Variants in DLGAP2 observed in about 807,000 individuals in gnomAD.
The protein encoded by DLGAP2 is DLG associated protein 2.
In DLGAP2, 26 loss-of-function variants were observed where a neutral mutation model predicts 100.3. That is an observed-to-expected ratio of 0.26 (90% CI 0.19 to 0.36). The LOEUF (loss-of-function observed/expected upper bound fraction) is 0.36. Among genes scored for constraint, DLGAP2 ranks in the 10% least tolerant of loss-of-function variants. The pLI is 1.00. For missense variants in DLGAP2, 1,858 were observed against 1,453.2 expected (o/e 1.28, Z -4.53); for synonymous variants, 886 against 630.1 (o/e 1.41, Z -6.08).
At chr8:1,172,115 A>G (rs1042052513) in intron 2 of DLGAP2, among the ~76,000 whole-genome samples, 2 of 151,402 alleles carry the variant, frequency 1.3e-5, no homozygotes, top group African/African-American at 4.8e-5. Context: ...CTTGTCTGTA[A>G]AGTATTTTAT....
intron 1 of DLGAP2, among the ~76,000 whole-genome samples, chr8:796,557 G>A (rs2132647782): frequency 6.6e-6 from 1 of 152,300 alleles, no homozygotes; most frequent in South Asian, 2.1e-4. Context: ...TTGCTCAGGT[G>A]CTTACTGGCC....
intron 3 of DLGAP2, among the ~76,000 whole-genome samples, chr8:1,333,953 C>T (rs566220271): frequency 6.6e-6 from 1 of 152,350 alleles, no homozygotes; most frequent in Non-Finnish European, 1.5e-5. Flanking sequence ...TGCGGTGGCA[C>T]AGGGGCCAAC....
At chr8:1,631,007 G>A (rs1158686078) in intron 7 of DLGAP2, among the ~76,000 whole-genome samples, 1 of 150,000 alleles carries the variant, frequency 6.7e-6, no homozygotes, top group South Asian at 2.2e-4. Context: ...GGTCTCGGCG[G>A]GAGGTCCGGG....
chr8:1,494,705 G>A (rs1451980806), intron 3 of DLGAP2, among the ~76,000 whole-genome samples: 1 of 151,984 alleles, frequency 6.6e-6, no homozygotes, highest in African/African-American at 2.4e-5. Flanking sequence ...TCCAGCCTGG[G>A]CAACAGACCC....
At chr8:1,599,127 C>T (rs1187649914) in intron 6 of DLGAP2, among the ~76,000 whole-genome samples, 1 of 152,140 alleles carries the variant, frequency 6.6e-6, no homozygotes, top group Non-Finnish European at 1.5e-5. Flanking sequence ...GTTATTTACC[C>T]AGTAGTCATT....
At chr8:1,410,900 C>T (rs541859880) in intron 3 of DLGAP2, among the ~76,000 whole-genome samples, 40 of 151,502 alleles carry the variant, frequency 2.6e-4, no homozygotes, top group African/African-American at 9.0e-4. Flanking sequence ...GGCTGAGCTC[C>T]TGGTGAACAT....
At chr8:1,187,079 G>T (rs530175464) in intron 2 of DLGAP2, among the ~76,000 whole-genome samples, 21 of 152,342 alleles carry the variant, frequency 1.4e-4, no homozygotes, top group African/African-American at 4.3e-4. Context: ...CTGAGCAGCT[G>T]CTTGGAGATG....
intron 1 of DLGAP2, among the ~76,000 whole-genome samples, chr8:745,740 A>G (rs1820602006): frequency 6.6e-6 from 1 of 152,272 alleles, no homozygotes; most frequent in Non-Finnish European, 1.5e-5. Flanking sequence ...CACATCCACA[A>G]AAACATGAAA....
At chr8:1,253,708 G>C (rs1000552313) in intron 2 of DLGAP2, among the ~76,000 whole-genome samples, 17 of 152,188 alleles carry the variant, frequency 1.1e-4, no homozygotes, top group African/African-American at 3.6e-4. Flanking sequence ...TTCTCCATCT[G>C]TGTCAATTAG....
At chr8:1,657,691 C>T (rs1035682222) in intron 8 of DLGAP2, among the ~76,000 whole-genome samples, 2 of 152,146 alleles carry the variant, frequency 1.3e-5, no homozygotes, top group African/African-American at 4.8e-5. Context: ...TGATATACTT[C>T]CATGTTTCAG....
intron 2 of DLGAP2, among the ~76,000 whole-genome samples, chr8:1,207,186 A>G (rs892786456): frequency 1.3e-5 from 2 of 152,196 alleles, no homozygotes; most frequent in Non-Finnish European, 2.9e-5. Context: ...AGTGCACGCA[A>G]GCCATGTACA....
chr8:1,619,357 C>A (rs1797256586), intron 6 of DLGAP2, among the ~76,000 whole-genome samples: 1 of 152,200 alleles, frequency 6.6e-6, no homozygotes, highest in African/African-American at 2.4e-5. Flanking sequence ...AGGCCACAGT[C>A]AACATCTGTC....
At chr8:1,064,447 C>G (rs527358031) in intron 2 of DLGAP2, among the ~76,000 whole-genome samples, 1 of 152,160 alleles carries the variant, frequency 6.6e-6, no homozygotes, top group Non-Finnish European at 1.5e-5. Flanking sequence ...TGTGATTTCA[C>G]CAGCATTAAT....
At chr8:1,170,552 A>G (rs1157777389) in intron 2 of DLGAP2, among the ~76,000 whole-genome samples, 5 of 148,762 alleles carry the variant, frequency 3.4e-5, no homozygotes, top group African/African-American at 1.2e-4. Flanking sequence ...TTATTGCCAC[A>G]ATTTCAGCTC....
intron 3 of DLGAP2, among the ~76,000 whole-genome samples, chr8:1,326,583 A>C (rs1801027347): frequency 1.3e-5 from 2 of 150,812 alleles, no homozygotes; most frequent in South Asian, 4.2e-4. Context: ...CGGGCTTGTC[A>C]CTCAGGACAC....
rs541069829 is a variant in DLGAP2, at chr8:1,379,417, G to A, written c.106+120534G>A. Among the ~76,000 whole-genome samples, 4 of 152,374 alleles carry A rather than the reference G, an allele frequency of 2.6e-5. No individual in the cohort carries two copies. In the South Asian group the frequency reaches 8.3e-4, roughly 32 times the overall value. On this transcript the variant is annotated intron_variant, in intron 3 of 14. Transcript: ENST00000637795. ...TCTAGGAGGTGGAGAAACGGGCAGG[G>A]AGACTAAATACCTCAGACCAAGGCA...
chr8:1,172,689 T>G (rs959223406), intron 2 of DLGAP2, among the ~76,000 whole-genome samples: 6 of 152,204 alleles, frequency 3.9e-5, no homozygotes, highest in East Asian at 1.9e-4. Context: ...CTCCTGGGGC[T>G]TCTGCATTCT....
At chr8:760,394 T>A (rs889638328) in intron 1 of DLGAP2, among the ~76,000 whole-genome samples, 17 of 152,222 alleles carry the variant, frequency 1.1e-4, no homozygotes, top group Non-Finnish European at 2.2e-4. Flanking sequence ...CTGAAATTTC[T>A]CATGTTTTTC....
chr8:1,549,108 G>A lies in DLGAP2; in HGVS notation c.655G>A (p.Ala219Thr), dbSNP rs116471744. The A allele has an allele frequency of 4.1e-3, 6,530 of 1,584,252 alleles. 239 individuals carry two copies. The African/African-American group carries it at 0.079, about 19-fold the overall frequency. Residue 219 changes from alanine (A) to threonine (T), a missense_variant, in exon 5 of 15, where the codon GCC (alanine) becomes ACC (threonine). Transcript: ENST00000637795. ...GCAGTACCAGAGGACGTCCGCGGCC[G>A]CCGAGCAGCGCAGCGAGAGCCCCGG... is the stretch of plus-strand genomic sequence containing the variant. Reference protein sequence around the residue: ...TLQYQRTSAAAEQRSESPGRI... With the variant: ...TLQYQRTSAATEQRSESPGRI...
Sources: gnomAD v4.1 joint callset for allele counts (sites outside exome capture counted in the v4.1 genomes callset) on GRCh38, gnomAD v4.1.1 for gene constraint, MANE v1.5 for transcripts, NCBI Gene and HGNC (gene_info 2026-07-23, HGNC 2026-07-21) for gene names.